RASGRP2: variants seen among roughly 807,000 people sequenced by gnomAD.
RASGRP2 encodes the protein RAS guanyl releasing protein 2.
A neutral mutation model predicts 71.0 loss-of-function variants in RASGRP2; 44 were observed. The ratio of observed to expected loss-of-function variants is 0.62; its 90% confidence interval spans 0.49 to 0.80. The LOEUF is 0.80. RASGRP2 is among the 30% of genes least tolerant of loss of function. RASGRP2 has a pLI of 0.00. For synonymous variants in RASGRP2, 350 were observed against 330.7 expected, an observed-to-expected ratio of 1.06 and a Z score of -0.63; for missense variants, 663 against 813.4, an observed-to-expected ratio of 0.82 and a Z score of 2.25.
upstream of RASGRP2, chr11:64,744,348 G>A (rs1592397792): frequency 2.0e-6 from 2 of 982,458 alleles, no homozygotes; most frequent in Non-Finnish European, 1.2e-6. Context: ...CAGGCTGGAG[G>A]ACAGGGGAGC....
At position 64,742,764 on chromosome 11, in the gene RASGRP2, A is replaced by AGGCTCC; in HGVS notation, c.73+24_73+29dup. 1.3e-6 allele frequency: 2 copies of AGGCTCC among 1,587,166 alleles called. No individual in the cohort carries two copies. Among genetic ancestry groups the AGGCTCC allele is most frequent in the Non-Finnish European group, 1.7e-6 (2 of 1,167,988 alleles). On this transcript the variant is annotated intron_variant, in intron 2 of 16. Transcript: ENST00000394432. This position sits in a 1 kb window ranked among gnomAD's most constrained non-coding sequence, Gnocchi z 4.7. ...CGGGCTCAGACTCGGGGCTAGGCTC[A>AGGCTCC]GGCTCCGTGTGCCCTCCCGAGCCAC...
Position 64,736,911 on chromosome 11 carries a change from C to A in RASGRP2, c.937G>T (p.Ala313Ser), listed in dbSNP as rs547924942. 6.2e-7 allele frequency: 1 copy of A among 1,613,938 alleles called. No individual in the cohort carries two copies. Among genetic ancestry groups the A allele is most frequent in the Admixed American group, 1.7e-5 (1 of 60,016 alleles). ...CAGTCAGGCAGTGCCAGCTGCAGGG[C>A]CACCAGGTCCTTGAGGTGCACACCC... ...ILGVHLKDLV[A>S]LQLALPDWLD... Residue 313 changes from alanine (A) to serine (S), a missense_variant, in exon 9 of 17, where the codon GCC (alanine) becomes TCC (serine). By Grantham distance (99) the Ala-to-Ser change is moderately conservative. Coordinates refer to ENST00000394432, the MANE Select transcript of RASGRP2 (RefSeq NM_001098671.2).
Position 64,732,960 on chromosome 11 carries a change from G to A in RASGRP2, c.1412+2152C>T, listed in dbSNP as rs535869774. Among the ~76,000 whole-genome samples, 221 of 149,506 alleles carry A rather than the reference G, an allele frequency of 1.5e-3. 2 individuals carry two copies. The highest frequency in any genetic ancestry group is 5.1e-3 in the African/African-American group (207 of 40,728). On this transcript the variant is annotated intron_variant, in intron 12 of 16. Transcript: ENST00000394432. ...GAGCAAAACTCCGTCTCAAAAAAAA[G>A]GAAAAGAAAAAAAAATTAGCCGGGT...
chr11:64,742,798 G>A lies in RASGRP2; in HGVS notation c.69C>T (p.Ala23=), dbSNP rs772797433. 9.9e-6 allele frequency: 16 copies of A among 1,608,256 alleles called. No homozygotes were observed. The African/African-American group carries it at 2.0e-4, about 20-fold the overall frequency. ...GTGCCCTCCCGAGCCACTCACCGAA[G>A]GCTTCGATGCACCCGCGGAGCAGCT... ...VEELLRGCIE[A]FDDSGKVRDP... The change falls in exon 2 of 17, where the codon GCC becomes GCT. Residue 23 remains alanine (A), a synonymous_variant. Coordinates refer to ENST00000394432, the MANE Select transcript of RASGRP2 (RefSeq NM_001098671.2). This position sits in a 1 kb window ranked among gnomAD's most constrained non-coding sequence, Gnocchi z 4.7.
At chr11:64,737,177 C>T in intron 8 of RASGRP2, 143 bp from the exon 9 acceptor site, 1 of 949,668 alleles carries the variant, frequency 1.1e-6, no homozygotes, top group Admixed American at 2.1e-5. Flanking sequence ...CCACGACTGG[C>T]TCTCTCAGCC....
chr11:64,736,030 A>G (rs2135758914), intron 9 of RASGRP2, 50 bp from the exon 10 acceptor site: 2 of 1,520,186 alleles, frequency 1.3e-6, no homozygotes, highest in Non-Finnish European at 9.1e-7. Context: ...CCACAGCCAC[A>G]GAGCCCAGGG....
Position 64,743,869 on chromosome 11 carries a change from C to A in RASGRP2, c.-72+134G>T. 1.9e-6 allele frequency: 1 copy of A among 521,624 alleles called. No individual in the cohort carries two copies. The highest frequency in any genetic ancestry group is 2.6e-6 in the Non-Finnish European group (1 of 388,530). The allele number at this position is 521,624 out of a possible 1,614,324, so 32.3% of individuals were successfully genotyped here. A position where few individuals can be genotyped will look rare whatever the true frequency, so the allele number is the denominator to read the frequency against. On this transcript the variant is annotated intron_variant, in intron 1 of 16. Transcript: ENST00000394432. The surrounding 1 kb of genome is among the most constrained non-coding windows in gnomAD (Gnocchi z 4.9). The stretch of plus-strand genomic sequence containing the variant: ...AAGTTATTCGTCGGAGGCCGGGGAC[C>A]TAAGTGGAGGTGCAGGCGTCCGCAC...
In RASGRP2 at chr11:64,740,168, G is replaced by T; in HGVS notation, c.372-5C>A. ...CGCTTCCACTTGTAGGTAGGGCTGG[G>T]GGGGCAGGGGTAGTGAGCCCTTTGC... is the stretch of plus-strand genomic sequence containing the variant. On this transcript the variant is annotated splice_region_variant and splice_polypyrimidine_tract_variant and intron_variant, in intron 5 of 16. Coordinates refer to ENST00000394432, the MANE Select transcript of RASGRP2 (RefSeq NM_001098671.2). 1 of 1,613,998 alleles carries T rather than the reference G, an allele frequency of 6.2e-7. No individual in the cohort carries two copies. Among genetic ancestry groups the T allele is most frequent in the Non-Finnish European group, 8.5e-7 (1 of 1,180,004 alleles).
At chr11:64,740,691 C>G in intron 5 of RASGRP2, 3 of 655,166 alleles carry the variant, frequency 4.6e-6, no homozygotes, top group Non-Finnish European at 8.4e-6. Flanking sequence ...AGAAAGGACT[C>G]GAGAGCTCAG....
At position 64,742,893 on chromosome 11, in the gene RASGRP2, C is replaced by G; in HGVS notation, c.-27G>C. Reference sequence around the variant, plus strand: ...GCCGCCGGCGCGGGGTGGGCTGGGCCCAGGCTGCGCTCCGGGAGCCTCCCA... The same window carrying G: ...GCCGCCGGCGCGGGGTGGGCTGGGCGCAGGCTGCGCTCCGGGAGCCTCCCA... On this transcript the variant is annotated 5_prime_UTR_variant, in exon 2 of 17. Coordinates refer to ENST00000394432, the MANE Select transcript of RASGRP2 (RefSeq NM_001098671.2). This position sits in a 1 kb window ranked among gnomAD's most constrained non-coding sequence, Gnocchi z 4.7. 6.4e-7 allele frequency: 1 copy of G among 1,565,288 alleles called. No homozygotes were observed. The highest frequency in any genetic ancestry group is 1.3e-5 in the African/African-American group (1 of 74,268).
chr11:64,731,662 A>G lies in RASGRP2; in HGVS notation c.1413-1468T>C, dbSNP rs573882475. Among the ~76,000 whole-genome samples, 43 of 152,370 alleles carry G rather than the reference A, an allele frequency of 2.8e-4. No homozygotes were observed. In the South Asian group the frequency reaches 8.7e-3, roughly 31 times the overall value. ...GGAATCAGAACAGGCAATTGACAGA[A>G]GAAATAAATGGCCAATAAACATATG... On this transcript the variant is annotated intron_variant, in intron 12 of 16. Coordinates refer to ENST00000394432, the MANE Select transcript of RASGRP2 (RefSeq NM_001098671.2).
In RASGRP2 at chr11:64,735,427, G is replaced by T; in HGVS notation, c.1296+115C>A. 1 of 1,575,688 alleles carries T rather than the reference G, an allele frequency of 6.3e-7. No individual in the cohort carries two copies. Among genetic ancestry groups the T allele is most frequent in the East Asian group, 2.2e-5 (1 of 44,734 alleles). ...GTGCAGCTGGCCTGCCAGGCCCTGT[G>T]ACTCCTAGGGGCTGAGTGCTGGGTC... is the stretch of plus-strand genomic sequence containing the variant. On this transcript the variant is annotated intron_variant, in intron 11 of 16. Coordinates refer to ENST00000394432, the MANE Select transcript of RASGRP2 (RefSeq NM_001098671.2). The surrounding 1 kb of genome is among the most constrained non-coding windows in gnomAD (Gnocchi z 4.2).
chr11:64,736,386 C>T (rs1309586624), intron 9 of RASGRP2, among the ~76,000 whole-genome samples: 1 of 151,874 alleles, frequency 6.6e-6, no homozygotes, highest in Non-Finnish European at 1.5e-5. Context: ...ACCCCAAGAC[C>T]AAGTGTAAAG....
chr11:64,727,452 C>A, intron 15 of RASGRP2, 92 bp from the exon 16 acceptor site: 2 of 1,180,892 alleles, frequency 1.7e-6, no homozygotes, highest in East Asian at 2.4e-5. Flanking sequence ...CCACATCATC[C>A]CAGAAGCAGA....
intron 5 of RASGRP2, chr11:64,740,678 A>T: frequency 1.5e-6 from 1 of 651,298 alleles, no homozygotes; most frequent in Non-Finnish European, 2.8e-6. Flanking sequence ...GAGCACCATG[A>T]TGAGAAAGGA....
At position 64,739,934 on chromosome 11, in the gene RASGRP2, T is replaced by TACGCCAGGGACCCTGCCC. The variant is rs2058066124; in HGVS notation, c.522+61_522+78dup. 4 of 1,610,232 alleles carry TACGCCAGGGACCCTGCCC rather than the reference T, an allele frequency of 2.5e-6. No homozygotes were observed. Among genetic ancestry groups the TACGCCAGGGACCCTGCCC allele is most frequent in the Non-Finnish European group, 3.4e-6 (4 of 1,178,024 alleles). The stretch of plus-strand genomic sequence containing the variant: ...CCCTGATGCACCCTGTGACCCAGCC[T>TACGCCAGGGACCCTGCCC]ACGCCAGGGACCCTGCCCCTCCTAG... On this transcript the variant is annotated intron_variant, in intron 6 of 16. Transcript: ENST00000394432. The surrounding 1 kb of genome is among the most constrained non-coding windows in gnomAD (Gnocchi z 4.2).
chr11:64,740,390 G>A (rs933552122), intron 5 of RASGRP2: 1 of 696,022 alleles, frequency 1.4e-6, no homozygotes, highest in East Asian at 2.9e-5. Context: ...ACTGTGCTAG[G>A]CGCTGGGAAT....
At position 64,742,961 on chromosome 11, in the gene RASGRP2, G is replaced by C; in HGVS notation, c.-71-24C>G. On this transcript the variant is annotated intron_variant, in intron 1 of 16. Transcript: ENST00000394432. This position sits in a 1 kb window ranked among gnomAD's most constrained non-coding sequence, Gnocchi z 4.7. ...CCCTGTCCCGGGAGAGGCAGAGCGG[G>C]AGTCTGCGGAGTCGCGGGCGGGGGA... is the stretch of plus-strand genomic sequence containing the variant. 6.6e-7 allele frequency: 1 copy of C among 1,516,266 alleles called. No individual in the cohort carries two copies. The highest frequency in any genetic ancestry group is 8.8e-7 in the Non-Finnish European group (1 of 1,136,824). The allele number at this position is 1,516,266 out of a possible 1,614,324, so 93.9% of individuals were successfully genotyped here.
At position 64,739,052 on chromosome 11, in the gene RASGRP2, C is replaced by G. The variant is rs939446509; in HGVS notation, c.813+308G>C. Among the ~76,000 whole-genome samples the G allele has an allele frequency of 2.0e-5, 3 of 151,038 alleles. No individual in the cohort carries two copies. Among genetic ancestry groups the G allele is most frequent in the Non-Finnish European group, 2.9e-5 (2 of 67,862 alleles). ...ACTCAGGAGGCTGAGGTGGGAGGAT[C>G]GATTGAGCTCAGGAGTTCAAGGCTG... On this transcript the variant is annotated intron_variant, in intron 8 of 16. Transcript: ENST00000394432. The surrounding 1 kb of genome is among the most constrained non-coding windows in gnomAD (Gnocchi z 4.2).
Sources: gnomAD v4.1 joint callset for allele counts (sites outside exome capture counted in the v4.1 genomes callset) on GRCh38, gnomAD v4.1.1 for gene constraint, Gnocchi (gnomAD v3.1) non-coding constraint, MANE v1.5 for transcripts, NCBI Gene and HGNC (gene_info 2026-07-23, HGNC 2026-07-21) for gene names.